The following EYS variants were observed in gnomAD, a reference collection of about 807,000 sequenced individuals.
EYS encodes protein eyes shut homolog.
A neutral mutation model predicts 282.1 loss-of-function variants in EYS; 250 were observed. The observed-to-expected ratio is 0.89, with a 90% CI of 0.80 to 0.98. The LOEUF (loss-of-function observed/expected upper bound fraction) is 0.98, where lower values mean the gene tolerates loss of function less well. Ranked by LOEUF, EYS falls within the 50% of genes least tolerant of loss-of-function variation. EYS has a pLI of 0.00. For missense variants in EYS, 4,016 were observed against 3,709.0 expected (o/e 1.08, Z -2.15); for synonymous variants, 1,355 against 1,282.9 (o/e 1.06, Z -1.20).
chr6:64,492,802 T>G (rs187039314), intron 26 of EYS, among the ~76,000 whole-genome samples: 3 of 151,126 alleles, frequency 2.0e-5, no homozygotes, highest in Admixed American at 1.3e-4. Context: ...TTAGTACAGA[T>G]AGCATTTAGC....
chr6:64,372,311 G>A (rs1772409736), intron 29 of EYS, among the ~76,000 whole-genome samples: 1 of 151,966 alleles, frequency 6.6e-6, no homozygotes, highest in Non-Finnish European at 1.5e-5. Context: ...TACTTTGGCT[G>A]AATATGAAAT....
At chr6:64,063,841 C>T (rs914495947) in intron 33 of EYS, among the ~76,000 whole-genome samples, 5 of 152,150 alleles carry the variant, frequency 3.3e-5, no homozygotes, top group Non-Finnish European at 5.9e-5. Context: ...GGGATTCTCC[C>T]GCCTCAGCCT....
chr6:65,147,621 A>C (rs1473298574), intron 12 of EYS, among the ~76,000 whole-genome samples: 1 of 152,058 alleles, frequency 6.6e-6, no homozygotes, highest in Non-Finnish European at 1.5e-5. Context: ...TTGGCCCATT[A>C]TTTTAAACTT....
chr6:64,882,542 A>C (rs9354185), intron 19 of EYS, among the ~76,000 whole-genome samples: 1 of 151,576 alleles, frequency 6.6e-6, no homozygotes, highest in Admixed American at 6.6e-5. Flanking sequence ...TTGACAAAAA[A>C]AAATGATTAC....
chr6:64,774,323 T>TTA (rs1716397158), intron 22 of EYS, among the ~76,000 whole-genome samples: 1 of 151,936 alleles, frequency 6.6e-6, no homozygotes, highest in African/African-American at 2.4e-5. Context: ...CAGGAAAATG[T>TTA]TAACATAAGT....
At chr6:63,843,367 G>A (rs568038833) in intron 36 of EYS, among the ~76,000 whole-genome samples, 29 of 151,968 alleles carry the variant, frequency 1.9e-4, no homozygotes, top group Non-Finnish European at 3.5e-4. Flanking sequence ...TCTTTGTAGC[G>A]ATTGTGAATG....
At chr6:65,625,521 C>A (rs1210061810) in intron 2 of EYS, among the ~76,000 whole-genome samples, 2 of 152,118 alleles carry the variant, frequency 1.3e-5, no homozygotes, top group African/African-American at 4.8e-5. Context: ...TTGTGACTTG[C>A]CTCAGTTAAC....
At chr6:64,696,142 G>A (rs888261685) in intron 22 of EYS, among the ~76,000 whole-genome samples, 2 of 152,088 alleles carry the variant, frequency 1.3e-5, no homozygotes, top group African/African-American at 4.8e-5. Context: ...AATGAGAAAT[G>A]TACCAAAGAG....
chr6:65,221,205 A>G (rs1766455008), intron 12 of EYS, among the ~76,000 whole-genome samples: 1 of 152,230 alleles, frequency 6.6e-6, no homozygotes, highest in Non-Finnish European at 1.5e-5. Flanking sequence ...AGTTGGTTGC[A>G]GAAATTTGCC....
At chr6:65,516,634 C>T (rs1047256315) in intron 2 of EYS, among the ~76,000 whole-genome samples, 8 of 151,930 alleles carry the variant, frequency 5.3e-5, no homozygotes, top group African/African-American at 1.9e-4. Context: ...TGCATCAGGC[C>T]CAATGATAAG....
intron 14 of EYS, among the ~76,000 whole-genome samples, chr6:64,959,914 T>A (rs1769857044): frequency 6.6e-6 from 1 of 151,216 alleles, no homozygotes; most frequent in African/African-American, 2.4e-5. Flanking sequence ...AGAACCACTG[T>A]TAAAGTTTGT....
At chr6:64,666,824 T>G (rs1769246254) in intron 22 of EYS, among the ~76,000 whole-genome samples, 1 of 152,208 alleles carries the variant, frequency 6.6e-6, no homozygotes, top group African/African-American at 2.4e-5. Flanking sequence ...TTCCATATAT[T>G]TAATGGGCTA....
At chr6:65,013,598 G>C (rs572093566) in intron 13 of EYS, among the ~76,000 whole-genome samples, 2 of 152,314 alleles carry the variant, frequency 1.3e-5, no homozygotes, top group African/African-American at 4.8e-5. Flanking sequence ...GGGTGAGGCT[G>C]GGTGCAGTGG....
chr6:65,647,970 A>T (rs1767514098), intron 1 of EYS, among the ~76,000 whole-genome samples: 1 of 151,944 alleles, frequency 6.6e-6, no homozygotes, highest in Non-Finnish European at 1.5e-5. Flanking sequence ...ACAAATCAAA[A>T]CCACGATGTG....
At chr6:65,113,060 T>C (rs1460983662) in intron 12 of EYS, among the ~76,000 whole-genome samples, 1 of 152,042 alleles carries the variant, frequency 6.6e-6, no homozygotes. Context: ...AACTCTCACA[T>C]TATAAGATTT....
intron 13 of EYS, among the ~76,000 whole-genome samples, chr6:65,010,373 C>A (rs557019947): frequency 3.9e-5 from 6 of 152,304 alleles, no homozygotes; most frequent in Non-Finnish European, 7.4e-5. Context: ...GTCAGACAAC[C>A]ATTTACTTAA....
intron 37 of EYS, among the ~76,000 whole-genome samples, chr6:63,796,262 G>A (rs1770641684): frequency 1.3e-5 from 2 of 152,168 alleles, no homozygotes; most frequent in Admixed American, 1.3e-4. Flanking sequence ...GTCTGGAAGT[G>A]GCAGAAGCTC....
intron 31 of EYS, among the ~76,000 whole-genome samples, chr6:64,148,216 G>A (rs1297623613): frequency 1.3e-5 from 2 of 152,022 alleles, no homozygotes; most frequent in African/African-American, 2.4e-5. Context: ...TTCTATATAT[G>A]TATATGTGTA....
At chr6:64,883,785 T>G (rs754266908) in intron 19 of EYS, among the ~76,000 whole-genome samples, 1 of 151,514 alleles carries the variant, frequency 6.6e-6, no homozygotes, top group Admixed American at 6.6e-5. Context: ...TCATATGCCA[T>G]CACTTGTGTA....
Sources: allele counts gnomAD v4.1 joint callset (sites outside exome capture counted in the v4.1 genomes callset), GRCh38; gene constraint gnomAD v4.1.1; transcripts MANE v1.5; gene names NCBI Gene and HGNC (gene_info 2026-07-23, HGNC 2026-07-21).